The following DPP10 variants were observed in gnomAD, a reference collection of about 807,000 sequenced individuals.
DPP10 encodes inactive dipeptidyl peptidase 10.
DPP10 carries 33 observed loss-of-function variants against 120.9 expected under a neutral mutation model. The ratio of observed to expected loss-of-function variants is 0.27; its 90% CI spans 0.21 to 0.37. DPP10 has a LOEUF of 0.37. Among genes scored for constraint, DPP10 ranks in the 10% least tolerant of loss-of-function variants. DPP10 has a pLI of 1.00. For missense variants in DPP10, 816 were observed against 942.8 expected, an observed-to-expected ratio of 0.87 and a Z score of 1.76; for synonymous variants, 337 against 326.1, an observed-to-expected ratio of 1.03 and a Z score of -0.36.
intron 5 of DPP10, among the ~76,000 whole-genome samples, chr2:115,554,166 A>G (rs1473412194): frequency 6.6e-6 from 1 of 151,770 alleles, no homozygotes; most frequent in Non-Finnish European, 1.5e-5. Context: ...TTGACCCTAC[A>G]TTTTACAAGT....
intron 1 of DPP10, among the ~76,000 whole-genome samples, chr2:114,748,357 T>TTTA (rs1553418240): frequency 3.9e-5 from 5 of 126,602 alleles, no homozygotes; most frequent in African/African-American, 9.9e-5. Flanking sequence ...TTTTATTTTT[T>TTTA]TTTATTTTAT....
chr2:115,612,936 C>G (rs555968371), intron 5 of DPP10, among the ~76,000 whole-genome samples: 2 of 151,940 alleles, frequency 1.3e-5, no homozygotes, highest in African/African-American at 4.8e-5. Context: ...AATAATCTTA[C>G]CACTAGGCAG....
chr2:115,822,708 A>T (rs963721318), intron 21 of DPP10, among the ~76,000 whole-genome samples: 10 of 151,926 alleles, frequency 6.6e-5, no homozygotes, highest in African/African-American at 2.4e-4. Context: ...GCTTTCTGTC[A>T]ATTCTAGAAA....
chr2:115,591,979 C>G (rs2082692123), intron 5 of DPP10, among the ~76,000 whole-genome samples: 2 of 151,400 alleles, frequency 1.3e-5, no homozygotes, highest in Non-Finnish European at 2.9e-5. Context: ...TATTGCTTTC[C>G]TTTTCATTCC....
intron 1 of DPP10, among the ~76,000 whole-genome samples, chr2:115,246,826 G>C (rs1299627772): frequency 1.3e-5 from 2 of 152,080 alleles, no homozygotes; most frequent in African/African-American, 2.4e-5. Context: ...CATCTACCAT[G>C]TTCACATCTT....
chr2:114,937,134 C>G (rs569956998), intron 1 of DPP10, among the ~76,000 whole-genome samples: 12 of 152,150 alleles, frequency 7.9e-5, no homozygotes, highest in African/African-American at 2.6e-4. Flanking sequence ...GTTGCATTGG[C>G]TTTTGGGTTC....
intron 1 of DPP10, among the ~76,000 whole-genome samples, chr2:114,474,051 AG>A (rs1337515055): frequency 1.3e-5 from 2 of 152,074 alleles, no homozygotes; most frequent in African/African-American, 4.8e-5. Context: ...TCCGCCTCCC[AG>A]GTTCAAGCTA....
At chr2:114,515,038 T>C (rs1439445002) in intron 1 of DPP10, among the ~76,000 whole-genome samples, 2 of 152,176 alleles carry the variant, frequency 1.3e-5, no homozygotes, top group Non-Finnish European at 2.9e-5. Flanking sequence ...GAAATCTAGG[T>C]ACAAGCCTCT....
chr2:115,739,637 T>C (rs113857298), intron 8 of DPP10, 102 bp from the exon 9 acceptor site: 4 of 1,231,244 alleles, frequency 3.2e-6, no homozygotes, highest in African/African-American at 3.0e-5. Flanking sequence ...ATACACAGTC[T>C]AGAAAATATA....
intron 5 of DPP10, among the ~76,000 whole-genome samples, chr2:115,593,189 G>A (rs2082778931): frequency 6.6e-6 from 1 of 152,158 alleles, no homozygotes; most frequent in South Asian, 2.1e-4. Context: ...ATTCCAAGAG[G>A]TGGCATTGCA....
At chr2:114,642,737 C>T (rs1175073374) in intron 1 of DPP10, among the ~76,000 whole-genome samples, 1 of 151,860 alleles carries the variant, frequency 6.6e-6, no homozygotes, top group Non-Finnish European at 1.5e-5. Context: ...ACTCTATCCC[C>T]TCCCTTTCAG....
At chr2:115,713,713 G>A (rs2092402432) in intron 7 of DPP10, among the ~76,000 whole-genome samples, 1 of 152,150 alleles carries the variant, frequency 6.6e-6, no homozygotes, top group Non-Finnish European at 1.5e-5. Flanking sequence ...CTTAGAATCT[G>A]GGTGTACTTC....
chr2:115,087,773 C>G (rs1193034175), intron 1 of DPP10, among the ~76,000 whole-genome samples: 3 of 151,950 alleles, frequency 2.0e-5, no homozygotes, highest in Non-Finnish European at 2.9e-5. Context: ...AGTCTGGTCT[C>G]AAACTCATGA....
chr2:115,564,421 G>A (rs1011488213), intron 5 of DPP10, among the ~76,000 whole-genome samples: 6 of 151,942 alleles, frequency 3.9e-5, no homozygotes, highest in South Asian at 2.1e-4. Context: ...TATTTTTCAC[G>A]GAAATAGAGC....
At chr2:114,588,162 A>G (rs996029803) in intron 1 of DPP10, among the ~76,000 whole-genome samples, 2 of 152,222 alleles carry the variant, frequency 1.3e-5, no homozygotes, top group Admixed American at 1.3e-4. Flanking sequence ...GAGTCAGTAA[A>G]TAAGACCCAT....
At chr2:115,566,614 AT>A (rs1369391463) in intron 5 of DPP10, among the ~76,000 whole-genome samples, 6 of 152,012 alleles carry the variant, frequency 3.9e-5, no homozygotes, top group Non-Finnish European at 7.4e-5. Context: ...ACATTGTCTT[AT>A]TTTTTGTTAC....
intron 21 of DPP10, among the ~76,000 whole-genome samples, chr2:115,818,409 A>T (rs1434199236): frequency 6.6e-6 from 1 of 152,252 alleles, no homozygotes; most frequent in Non-Finnish European, 1.5e-5. Flanking sequence ...CTTAGGGCCT[A>T]TGTATTTCAA....
chr2:115,602,475 TA>T (rs1558910608), intron 5 of DPP10, among the ~76,000 whole-genome samples: 1 of 152,258 alleles, frequency 6.6e-6, no homozygotes, highest in East Asian at 1.9e-4. Context: ...AAGGAAATGA[TA>T]TCATTCAACA....
At chr2:115,098,584 G>A (rs1156824775) in intron 1 of DPP10, among the ~76,000 whole-genome samples, 1 of 151,876 alleles carries the variant, frequency 6.6e-6, no homozygotes, top group African/African-American at 2.4e-5. Flanking sequence ...TAAAAAAAAG[G>A]TACAGTAAAA....
Sources: allele counts gnomAD v4.1 joint callset (sites outside exome capture counted in the v4.1 genomes callset), GRCh38; gene constraint gnomAD v4.1.1; transcripts MANE v1.5; gene names NCBI Gene and HGNC (gene_info 2026-07-23, HGNC 2026-07-21).